The following PRELID2 variants were observed in gnomAD, a reference collection of about 807,000 sequenced individuals.
PRELID2 encodes PRELI domain-containing protein 2.
PRELID2 carries 25 observed loss-of-function variants against 28.4 expected under a neutral mutation model. The ratio of observed to expected loss-of-function variants is 0.88; its 90% CI spans 0.64 to 1.23. The LOEUF (loss-of-function observed/expected upper bound fraction) is 1.23. PRELID2 is among the 50% of genes most tolerant of loss of function. The pLI is 0.00. For missense variants in PRELID2, 201 were observed against 214.4 expected, an observed-to-expected ratio of 0.94 and a Z score of 0.39; for synonymous variants, 76 against 71.6, an observed-to-expected ratio of 1.06 and a Z score of -0.31.
chr5:145,605,304 A>G (rs1753488407), intron 1 of PRELID2, among the ~76,000 whole-genome samples: 2 of 152,008 alleles, frequency 1.3e-5, no homozygotes, highest in Non-Finnish European at 2.9e-5. Context: ...TTATAGCTTT[A>G]GGTTTTACAT....
the PRELID2 span, among the ~76,000 whole-genome samples, chr5:145,350,907 C>A: frequency 6.6e-6 from 1 of 152,060 alleles, no homozygotes; most frequent in East Asian, 1.9e-4. Flanking sequence ...TAGAACATGC[C>A]CAGTGAATCT....
intron 1 of PRELID2, among the ~76,000 whole-genome samples, chr5:145,532,179 G>A (rs1003862044): frequency 6.6e-6 from 1 of 152,092 alleles, no homozygotes; most frequent in African/African-American, 2.4e-5. Flanking sequence ...AGAAGGACAA[G>A]TATTCTAATC....
intron 1 of PRELID2, among the ~76,000 whole-genome samples, chr5:145,611,355 G>C (rs775917442): frequency 3.6e-4 from 55 of 151,996 alleles, no homozygotes; most frequent in Non-Finnish European, 6.5e-4. Flanking sequence ...GGGAAGACAG[G>C]GTTTCACCAT....
At chr5:145,465,403 AGGC>A in the PRELID2 span, among the ~76,000 whole-genome samples, 5 of 152,200 alleles carry the variant, frequency 3.3e-5, no homozygotes, top group Non-Finnish European at 7.3e-5. Flanking sequence ...GTTGAGAACC[AGGC>A]AATGAATTCC....
the PRELID2 span, among the ~76,000 whole-genome samples, chr5:145,415,037 T>C: frequency 6.6e-6 from 1 of 152,126 alleles, no homozygotes; most frequent in Non-Finnish European, 1.5e-5. Context: ...AATAACAGAA[T>C]ATACATTCTT....
chr5:145,317,610 G>T, the PRELID2 span, among the ~76,000 whole-genome samples: 1 of 152,168 alleles, frequency 6.6e-6, no homozygotes, highest in African/African-American at 2.4e-5. Flanking sequence ...AGACTGGGGG[G>T]TGGAGAAAAA....
intron 1 of PRELID2, among the ~76,000 whole-genome samples, chr5:145,508,573 T>C (rs1353821168): frequency 6.6e-6 from 1 of 151,902 alleles, no homozygotes; most frequent in Non-Finnish European, 1.5e-5. Context: ...ATTTAATTAA[T>C]AAAATTAAAA....
the PRELID2 span, among the ~76,000 whole-genome samples, chr5:145,421,131 T>C: frequency 3.9e-5 from 6 of 151,942 alleles, no homozygotes; most frequent in African/African-American, 1.2e-4. Flanking sequence ...TGGATTCGTT[T>C]TGCTAGTATT....
chr5:145,518,079 A>G (rs1385199701), intron 1 of PRELID2, among the ~76,000 whole-genome samples: 1 of 151,658 alleles, frequency 6.6e-6, no homozygotes, highest in African/African-American at 2.4e-5. Context: ...ACCATGGCAC[A>G]TGTATCCCTA....
Position 145,580,962 on chromosome 5 carries a change from G to A in PRELID2, n.71-107647C>T, listed in dbSNP as rs79188492. ...AATAAAATCTCAATATTCTGAGTAC[G>A]AATTACAAAGCCTTCTATAATCTGC... On this transcript the variant is annotated intron_variant and non_coding_transcript_variant, in intron 1 of 2. Transcript: ENST00000510259. Among the ~76,000 whole-genome samples, 83 of 152,042 alleles carry A rather than the reference G, an allele frequency of 5.5e-4. No homozygotes were observed. In the East Asian group the frequency reaches 0.013, roughly 24 times the overall value.
chr5:145,607,274 T>C (rs1225857279), intron 1 of PRELID2, among the ~76,000 whole-genome samples: 2 of 152,144 alleles, frequency 1.3e-5, no homozygotes, highest in Admixed American at 6.6e-5. Flanking sequence ...TTGTTATTTC[T>C]TGTCTTCTGC....
intron 1 of PRELID2, among the ~76,000 whole-genome samples, chr5:145,611,491 C>T (rs1660332040): frequency 6.6e-6 from 1 of 152,106 alleles, no homozygotes; most frequent in African/African-American, 2.4e-5. Context: ...CTTGCAATAC[C>T]ATAACCCAGC....
intron 1 of PRELID2, among the ~76,000 whole-genome samples, chr5:145,666,776 G>T (rs757829672): frequency 6.6e-6 from 1 of 152,032 alleles, no homozygotes; most frequent in African/African-American, 2.4e-5. Context: ...CATTTCTCGA[G>T]TCCTTGTTTG....
At chr5:145,474,760 C>T (rs1244836477) in intron 1 of PRELID2, among the ~76,000 whole-genome samples, 2 of 152,108 alleles carry the variant, frequency 1.3e-5, no homozygotes, top group Non-Finnish European at 1.5e-5. Context: ...GATGTGCATG[C>T]TACAGATTGT....
At chr5:145,369,706 C>T in the PRELID2 span, among the ~76,000 whole-genome samples, 36 of 152,046 alleles carry the variant, frequency 2.4e-4, no homozygotes, top group African/African-American at 8.5e-4. Flanking sequence ...TACTGTCTTC[C>T]ACAATGGTTG....
chr5:145,709,617 C>A (rs924547268), intron 1 of PRELID2, among the ~76,000 whole-genome samples: 1 of 151,678 alleles, frequency 6.6e-6, no homozygotes, highest in Non-Finnish European at 1.5e-5. Flanking sequence ...TGTGTCTGCT[C>A]TGTTTGGGCT....
intron 1 of PRELID2, among the ~76,000 whole-genome samples, chr5:145,641,158 T>C (rs961042354): frequency 6.6e-6 from 1 of 152,160 alleles, no homozygotes; most frequent in African/African-American, 2.4e-5. Flanking sequence ...TAAATTTGAC[T>C]ATTTAAAACC....
chr5:145,239,125 T>A, the PRELID2 span, among the ~76,000 whole-genome samples: 4 of 152,094 alleles, frequency 2.6e-5, no homozygotes, highest in Non-Finnish European at 5.9e-5. Flanking sequence ...GTACTAATTT[T>A]AAAATTGTGC....
chr5:145,521,029 G>A (rs1346232642), intron 1 of PRELID2, among the ~76,000 whole-genome samples: 1 of 152,088 alleles, frequency 6.6e-6, no homozygotes, highest in South Asian at 2.1e-4. Context: ...TAGCTAATGT[G>A]TATATAGATT....
Sources: allele counts gnomAD v4.1 joint callset (sites outside exome capture counted in the v4.1 genomes callset), GRCh38; gene constraint gnomAD v4.1.1; transcripts MANE v1.5; gene names NCBI Gene and HGNC (gene_info 2026-07-23, HGNC 2026-07-21).